The following CENPF variants were observed in gnomAD, a reference collection of about 807,000 sequenced individuals.
The protein encoded by CENPF is centromere protein F, also known as AH antigen.
CENPF carries 214 observed loss-of-function variants against 307.3 expected under a neutral mutation model. That is an observed-to-expected ratio of 0.70 (90% CI 0.62 to 0.78). CENPF has a LOEUF of 0.78. Among genes scored for constraint, CENPF ranks in the 30% least tolerant of loss-of-function variants. The probability of loss-of-function intolerance (pLI) is 0.00; values close to 1 mark genes in which losing one functional copy is unlikely to be tolerated. For missense variants in CENPF, 3,401 were observed against 3,483.9 expected (o/e 0.98, Z 0.60); for synonymous variants, 1,259 against 1,270.6 (o/e 0.99, Z 0.19).
At chr1:214,648,949 A>G (rs956873736) in intron 14 of CENPF, 122 bp downstream of exon 14, 1 of 961,962 alleles carries the variant, frequency 1.0e-6, no homozygotes, top group Non-Finnish European at 1.5e-6. Flanking sequence ...GAAAAAAATA[A>G]CCCTGTGCTT....
At chr1:214,644,475 C>T in intron 12 of CENPF, 82 bp from the exon 13 acceptor site, 1 of 1,359,844 alleles carries the variant, frequency 7.4e-7, no homozygotes, top group Non-Finnish European at 9.8e-7. Context: ...GCATCAGTTT[C>T]TAAAAAGTAA....
rs1658279304 is a variant in CENPF, at chr1:214,645,821, A to T, written c.6251A>T (p.Tyr2084Phe). ...SLQARLSESD[Y>F]EKLNVSKALE... The stretch of plus-strand genomic sequence containing the variant: ...CAGGCCAGACTGAGTGAATCAGATT[A>T]TGAAAAGCTGAATGTCTCCAAGGCC... Residue 2084 changes from tyrosine to phenylalanine, a missense_variant, in exon 13 of 20, where the codon TAT (tyrosine) becomes TTT (phenylalanine). Coordinates refer to ENST00000366955, the MANE Select transcript of CENPF (RefSeq NM_016343.4). The T allele has an allele frequency of 1.4e-5, 23 of 1,614,234 alleles. No homozygotes were observed. Among genetic ancestry groups the T allele is most frequent in the Non-Finnish European group, 1.9e-5 (23 of 1,180,034 alleles).
In CENPF at chr1:214,643,208, T is replaced by G; in HGVS notation, c.4870T>G (p.Leu1624Val). ...TSVTLEMESK[L>V]AAEKKQTEQL... ...CGTGACTCTGGAGATGGAGTCCAAGTTGGCGGCAGAAAAGAAACAGACGGA... is the reference window on the plus strand; with the variant it reads ...CGTGACTCTGGAGATGGAGTCCAAGGTGGCGGCAGAAAAGAAACAGACGGA... Residue 1624 changes from leucine (L) to valine (V), a missense_variant, in exon 12 of 20, where the codon TTG (leucine) becomes GTG (valine). Transcript: ENST00000366955. 1 of 1,602,792 alleles carries G rather than the reference T, an allele frequency of 6.2e-7. No individual in the cohort carries two copies. The highest frequency in any genetic ancestry group is 8.5e-7 in the Non-Finnish European group (1 of 1,176,658).
intron 1 of CENPF, 52 bp from the exon 2 acceptor site, chr1:214,613,662 A>G (rs1657257437): frequency 3.1e-6 from 4 of 1,304,920 alleles, no homozygotes; most frequent in Non-Finnish European, 4.2e-6. Flanking sequence ...AATTTCTGAG[A>G]CTTTGTTTCC....
At position 214,643,321 on chromosome 1, in the gene CENPF, A is replaced by G. The variant is rs372352425; in HGVS notation, c.4983A>G (p.Glu1661=). 2.7e-6 allele frequency: 4 copies of G among 1,489,914 alleles called. No individual in the cohort carries two copies. The African/African-American group carries it at 5.7e-5, about 21-fold the overall frequency. The allele number at this position is 1,489,914 out of a possible 1,614,324, so 92.3% of individuals were successfully genotyped here. The part of the protein sequence containing the change: ...SSRSLLGIDT[E]DAIQGRNESC... ...GGTCTTTGCTTGGCATCGACACAGA[A>G]GATGTAAGTACCTGGGATTTAAATG... Residue 1661 remains glutamate, a synonymous_variant, in exon 12 of 20, where the codon GAA becomes GAG. Coordinates refer to ENST00000366955, the MANE Select transcript of CENPF (RefSeq NM_016343.4).
In CENPF at chr1:214,616,834, CCTCTTTCTTTCTTTCT is replaced by C. The variant is rs1440576104; in HGVS notation, c.360-1738_360-1723del. On this transcript the variant is annotated intron_variant, in intron 3 of 19. Transcript: ENST00000366955. Reference sequence around the variant, plus strand: ...TCCTTCCTTCCTTCTTTCCTTCCTTCCTCTTTCTTTCTTTCTTTCTTTCTTTCTTTCTTTCTTTCTT... The same window carrying C: ...TCCTTCCTTCCTTCTTTCCTTCCTTCTTCTTTCTTTCTTTCTTTCTTTCTT... 3.0e-3 allele frequency among the ~76,000 whole-genome samples: 427 copies of C among 143,798 alleles called. 13 individuals carry two copies. The highest frequency in any genetic ancestry group is 0.011 in the African/African-American group (412 of 37,110). 94.3% of individuals were successfully genotyped at this position (143,798 alleles called of 152,430 possible).
At chr1:214,639,007 C>A (rs991160589) in intron 11 of CENPF, among the ~76,000 whole-genome samples, 1 of 152,184 alleles carries the variant, frequency 6.6e-6, no homozygotes, top group Non-Finnish European at 1.5e-5. Context: ...GTGGTGCTGT[C>A]TACATAAGCC....
At chr1:214,608,448 G>A in intron 1 of CENPF, 1 of 1,613,308 alleles carries the variant, frequency 6.2e-7, no homozygotes, top group Non-Finnish European at 8.5e-7. Context: ...CCAGGCCAAT[G>A]TAGAAGCTGC....
Position 214,612,075 on chromosome 1 carries a change from C to T in CENPF, c.-41-1639C>T, listed in dbSNP as rs369000088. Among the ~76,000 whole-genome samples the T allele has an allele frequency of 5.3e-5, 8 of 152,168 alleles. No individual in the cohort carries two copies. In the East Asian group the frequency reaches 7.7e-4, roughly 15 times the overall value. ...CCAGTTTTCAAGGGGGGAATGCTTT[C>T]AGCTTTTGCCCATTCAGTATGATGT... On this transcript the variant is annotated intron_variant, in intron 1 of 19. Coordinates refer to ENST00000366955, the MANE Select transcript of CENPF (RefSeq NM_016343.4).
At position 214,613,871 on chromosome 1, in the gene CENPF, T is replaced by G. The variant is rs746591240; in HGVS notation, c.117T>G (p.Phe39Leu). The change falls in exon 2 of 20, where the codon TTT becomes TTG. Residue 39 changes from phenylalanine (F) to leucine (L), a missense_variant. Physicochemically the swap from Phe to Leu is conservative, Grantham distance 22. Transcript: ENST00000366955. Reference sequence around the variant, plus strand: ...AGAAGGAAAAGCAGCAAAGGCAGTTTCAGCTTGACAGTCTCGAGGCTGCGC... The same window carrying G: ...AGAAGGAAAAGCAGCAAAGGCAGTTGCAGCTTGACAGTCTCGAGGCTGCGC... Reference protein sequence around the residue: ...KLKKEKQQRQFQLDSLEAALQ... With the variant: ...KLKKEKQQRQLQLDSLEAALQ... 3.1e-5 allele frequency: 50 copies of G among 1,613,776 alleles called. No individual in the cohort carries two copies. Among genetic ancestry groups the G allele is most frequent in the Middle Eastern group, 1.6e-4 (1 of 6,084 alleles).
chr1:214,609,118 A>G (rs923050238), intron 1 of CENPF, among the ~76,000 whole-genome samples: 1 of 150,892 alleles, frequency 6.6e-6, no homozygotes, highest in Non-Finnish European at 1.5e-5. Context: ...GCCGCACTCC[A>G]TGGCGCCTGG....
At position 214,637,976 on chromosome 1, in the gene CENPF, C is replaced by T. The variant is rs1294807300; in HGVS notation, c.1557C>T (p.Ser519=). ...LKNIKQCLNQ[S]QNFAEEMKAK... is the part of the protein sequence containing the mutation. ...ACATCAAACAGTGTTTAAATCAGAG[C>T]CAGAATTTTGCAGAAGAAATGAAAG... The change falls in exon 11 of 20, where the codon AGC becomes AGT. Residue 519 remains serine (S), a synonymous_variant. Coordinates refer to ENST00000366955, the MANE Select transcript of CENPF (RefSeq NM_016343.4). 3.1e-6 allele frequency: 5 copies of T among 1,609,608 alleles called. No individual in the cohort carries two copies. The Admixed American group carries it at 8.5e-5, about 28-fold the overall frequency.
At chr1:214,608,580 C>G in intron 1 of CENPF, 1 of 1,609,990 alleles carries the variant, frequency 6.2e-7, no homozygotes, top group South Asian at 1.1e-5. Flanking sequence ...TGGGGAAGAC[C>G]TCAATGGTGT....
intron 15 of CENPF, 140 bp from the exon 16 acceptor site, chr1:214,652,688 C>G: frequency 1.7e-6 from 1 of 597,932 alleles, no homozygotes; most frequent in South Asian, 2.6e-5. Context: ...CGTGATCTGC[C>G]CACCTTGGCC....
At chr1:214,662,347 G>C (rs1393115739) in intron 19 of CENPF, among the ~76,000 whole-genome samples, 1 of 151,958 alleles carries the variant, frequency 6.6e-6, no homozygotes. Context: ...ACCTTCCAAG[G>C]CTGCGTCTTT....
intron 7 of CENPF, among the ~76,000 whole-genome samples, chr1:214,626,747 T>C (rs753891653): frequency 6.6e-6 from 1 of 152,208 alleles, no homozygotes; most frequent in South Asian, 2.1e-4. Context: ...GAGATAATTT[T>C]TGTAAAGGCT....
intron 14 of CENPF, 91 bp downstream of exon 14, chr1:214,648,918 C>T: frequency 1.5e-6 from 2 of 1,304,220 alleles, no homozygotes; most frequent in Non-Finnish European, 2.1e-6. Flanking sequence ...CTGTTGTTTA[C>T]CTAACTTATT....
chr1:214,608,756 G>T (rs1657111657), intron 1 of CENPF: 6 of 1,600,232 alleles, frequency 3.7e-6, no homozygotes, highest in Non-Finnish European at 5.1e-6. Flanking sequence ...TCCGGCGGCA[G>T]GAAGGCGAGC....
chr1:214,663,857 A>G lies in CENPF; in HGVS notation c.*63A>G, dbSNP rs191783029. On this transcript the variant is annotated 3_prime_UTR_variant, in exon 20 of 20. Transcript: ENST00000366955. ...TCATTGAATAGATAAGGCTGTGCCT[A>G]CAGGACTTCTCTTTAGTCAGGGCAT... is the stretch of plus-strand genomic sequence containing the variant. The G allele has an allele frequency of 1.4e-4, 186 of 1,346,358 alleles. No individual in the cohort carries two copies. The highest frequency in any genetic ancestry group is 1.2e-3 in the Middle Eastern group (6 of 4,994). The allele number at this position is 1,346,358 out of a possible 1,614,324, so 83.4% of individuals were successfully genotyped here. A position where few individuals can be genotyped will look rare whatever the true frequency, so the allele number is the denominator to read the frequency against.
Sources: allele counts gnomAD v4.1 joint callset (sites outside exome capture counted in the v4.1 genomes callset), GRCh38; gene constraint gnomAD v4.1.1; transcripts MANE v1.5; gene names NCBI Gene and HGNC (gene_info 2026-07-23, HGNC 2026-07-21).